The following ATP2A3 variants were observed in gnomAD, a reference collection of about 807,000 sequenced individuals.
ATP2A3 encodes ATPase sarcoplasmic/endoplasmic reticulum Ca2+ transporting 3.
A neutral mutation model predicts 106.8 loss-of-function variants in ATP2A3; 61 were observed. The observed-to-expected ratio is 0.57, with a 90% confidence interval of 0.46 to 0.71. The LOEUF (loss-of-function observed/expected upper bound fraction) is 0.71. Among genes scored for constraint, ATP2A3 ranks in the 30% least tolerant of loss-of-function variants. The pLI is 0.00. For missense variants in ATP2A3, 1,201 were observed against 1,423.5 expected, an observed-to-expected ratio of 0.84 and a Z score of 2.52; for synonymous variants, 611 against 609.3, an observed-to-expected ratio of 1.00 and a Z score of -0.04.
chr17:3,957,255 T>C (rs2054836134), intron 1 of ATP2A3, among the ~76,000 whole-genome samples: 1 of 152,068 alleles, frequency 6.6e-6, no homozygotes, highest in South Asian at 2.1e-4. Context: ...AACAGAGAGG[T>C]TGAGTGACTA....
intron 1 of ATP2A3, among the ~76,000 whole-genome samples, chr17:3,958,867 TATACACACACACAC>T (rs2054973026): frequency 2.0e-5 from 2 of 102,524 alleles, no homozygotes; most frequent in African/African-American, 9.9e-5. Context: ...TATATATATA[TATACACACACACAC>T]ACACACATAT....
chr17:3,953,056 A>G lies in ATP2A3; in HGVS notation c.219+291T>C, dbSNP rs899867867. ...AGTAGTGCTGAGGCAGAGAAACCCT[A>G]GGGTACAGCAGGGCGGGGCGGGGGG... On this transcript the variant is annotated intron_variant, in intron 3 of 20. Coordinates refer to ENST00000397041, the MANE Select transcript of ATP2A3 (RefSeq NM_005173.4). The surrounding 1 kb of genome is among the most constrained non-coding windows in gnomAD (Gnocchi z 5.1). Among the ~76,000 whole-genome samples the G allele has an allele frequency of 6.6e-6, 1 of 152,120 alleles. No individual in the cohort carries two copies. Among genetic ancestry groups the G allele is most frequent in the Non-Finnish European group, 1.5e-5 (1 of 68,012 alleles).
intron 17 of ATP2A3, among the ~76,000 whole-genome samples, chr17:3,934,448 G>T (rs1028195199): frequency 2.6e-5 from 4 of 151,742 alleles, no homozygotes; most frequent in South Asian, 2.1e-4. Flanking sequence ...TCAAACTCCT[G>T]GGCTCAAGTA....
intron 17 of ATP2A3, among the ~76,000 whole-genome samples, chr17:3,933,959 T>C (rs1597585329): frequency 6.6e-6 from 1 of 151,194 alleles, no homozygotes; most frequent in African/African-American, 2.5e-5. Flanking sequence ...CGTCTTGCTC[T>C]GTCTCCCAGG....
Position 3,925,078 on chromosome 17 carries a change from A to C in ATP2A3, c.*344T>G. ...GGAGCAAGCTCCAGCTGCACTCGTG[A>C]TTTGGGGGTGGGGGGGCCCCGGATC... On this transcript the variant is annotated 3_prime_UTR_variant, in exon 21 of 21. Transcript: ENST00000397041. The surrounding 1 kb of genome is among the most constrained non-coding windows in gnomAD (Gnocchi z 4.2). 1 of 510,666 alleles carries C rather than the reference A, an allele frequency of 2.0e-6. No individual in the cohort carries two copies. The highest frequency in any genetic ancestry group is 1.9e-5 in the African/African-American group (1 of 51,802). The allele number at this position is 510,666 out of a possible 1,614,324, so 31.6% of individuals were successfully genotyped here.
intron 3 of ATP2A3, among the ~76,000 whole-genome samples, chr17:3,952,123 C>T (rs1278323590): frequency 2.0e-5 from 3 of 152,286 alleles, no homozygotes; most frequent in Admixed American, 6.5e-5. Context: ...CTTGCTCTGT[C>T]GCCCAGGCTG....
intron 7 of ATP2A3, among the ~76,000 whole-genome samples, chr17:3,949,449 G>A (rs1423390291): frequency 6.6e-6 from 1 of 152,210 alleles, no homozygotes; most frequent in Non-Finnish European, 1.5e-5. Flanking sequence ...GTCGGAGAAT[G>A]GAGTATCCCC....
Position 3,926,027 on chromosome 17 carries a change from T to C in ATP2A3, c.2981-586A>G, listed in dbSNP as rs948148761. Among the ~76,000 whole-genome samples, 47 of 150,224 alleles carry C rather than the reference T, an allele frequency of 3.1e-4. No homozygotes were observed. The highest frequency in any genetic ancestry group is 1.0e-4 in the Non-Finnish European group (7 of 67,614). On this transcript the variant is annotated intron_variant, in intron 20 of 20. Coordinates refer to ENST00000397041, the MANE Select transcript of ATP2A3 (RefSeq NM_005173.4). This position sits in a 1 kb window ranked among gnomAD's most constrained non-coding sequence, Gnocchi z 4.6. ...TGTAACCTCCCAGATCTGTCCCCAA[T>C]ACAACCACCACAGCCCAGCCCCCAC... is the stretch of plus-strand genomic sequence containing the variant.
intron 3 of ATP2A3, among the ~76,000 whole-genome samples, chr17:3,952,825 C>T (rs1341654888): frequency 6.6e-6 from 1 of 152,164 alleles, no homozygotes; most frequent in East Asian, 1.9e-4. Context: ...CTCCTGGGCT[C>T]AAGCGATTTT....
At chr17:3,943,367 G>T in intron 11 of ATP2A3, 24 bp downstream of exon 11, 6 of 1,612,792 alleles carry the variant, frequency 3.7e-6, no homozygotes, top group Non-Finnish European at 5.1e-6. Flanking sequence ...GCAGCCGGAG[G>T]CCTGAGCCCC....
At position 3,929,305 on chromosome 17, in the gene ATP2A3, G is replaced by A. The variant is rs2052905836; in HGVS notation, c.2862+23C>T. On this transcript the variant is annotated intron_variant, in intron 19 of 20. Coordinates refer to ENST00000397041, the MANE Select transcript of ATP2A3 (RefSeq NM_005173.4). This position sits in a 1 kb window ranked among gnomAD's most constrained non-coding sequence, Gnocchi z 4.3. ...CCTGTGATGTCCAGGGACCAGGGCA[G>A]TGGGGCAGGCGGGGTGACTCACAGG... The A allele has an allele frequency of 1.3e-6, 2 of 1,537,936 alleles. No homozygotes were observed. Among genetic ancestry groups the A allele is most frequent in the South Asian group, 1.2e-5 (1 of 83,744 alleles).
At chr17:3,957,086 T>C (rs2054825473) in intron 1 of ATP2A3, among the ~76,000 whole-genome samples, 1 of 152,248 alleles carries the variant, frequency 6.6e-6, no homozygotes, top group African/African-American at 2.4e-5. Context: ...GGGAAGACGC[T>C]GGGGACCGAG....
chr17:3,944,849 C>T, intron 9 of ATP2A3, 43 bp from the exon 10 acceptor site: 1 of 1,559,490 alleles, frequency 6.4e-7, no homozygotes, highest in South Asian at 1.2e-5. Flanking sequence ...CGGCTCCGCC[C>T]CCGAGAGGGG....
Position 3,929,499 on chromosome 17 carries a change from G to A in ATP2A3, c.2745-54C>T. 2 of 1,446,908 alleles carry A rather than the reference G, an allele frequency of 1.4e-6. No individual in the cohort carries two copies. Among genetic ancestry groups the A allele is most frequent in the Admixed American group, 3.8e-5 (2 of 52,206 alleles). The allele number at this position is 1,446,908 out of a possible 1,614,324, so 89.6% of individuals were successfully genotyped here. A position where few individuals can be genotyped will look rare whatever the true frequency, so the allele number is the denominator to read the frequency against. ...GCCGGGGTGCAGGGAGGCCCTGCCA[G>A]GCACCCACCCCCATGGGAGGAGCCT... On this transcript the variant is annotated intron_variant, in intron 18 of 20. Coordinates refer to ENST00000397041, the MANE Select transcript of ATP2A3 (RefSeq NM_005173.4). The surrounding 1 kb of genome is among the most constrained non-coding windows in gnomAD (Gnocchi z 4.3).
chr17:3,947,052 A>G lies in ATP2A3; in HGVS notation c.1095+339T>C, dbSNP rs1021990194. ...CGGATCCAGGCCCAGCTTGGCCCCT[A>G]TGCCAAGGCTGAACTTGAGCCTCTC... On this transcript the variant is annotated intron_variant, in intron 8 of 20. Transcript: ENST00000397041. This position sits in a 1 kb window ranked among gnomAD's most constrained non-coding sequence, Gnocchi z 7.7. Among the ~76,000 whole-genome samples the G allele has an allele frequency of 4.6e-5, 7 of 152,212 alleles. No homozygotes were observed. Among genetic ancestry groups the G allele is most frequent in the Non-Finnish European group, 8.8e-5 (6 of 68,026 alleles).
Position 3,930,475 on chromosome 17 carries a change from G to A in ATP2A3, c.2611-41C>T. ...CAGGTCAGAGAGAGCGGCAGGTCAG[G>A]CGAGGGGCTGGTGGGTGGGAGGAGG... On this transcript the variant is annotated intron_variant, in intron 17 of 20. Coordinates refer to ENST00000397041, the MANE Select transcript of ATP2A3 (RefSeq NM_005173.4). This position sits in a 1 kb window ranked among gnomAD's most constrained non-coding sequence, Gnocchi z 5.4. The A allele has an allele frequency of 6.2e-7, 1 of 1,610,958 alleles. No homozygotes were observed.
Position 3,929,686 on chromosome 17 carries a change from G to T in ATP2A3, c.2745-241C>A, listed in dbSNP as rs1042073332. 1.3e-5 allele frequency among the ~76,000 whole-genome samples: 2 copies of T among 152,060 alleles called. No homozygotes were observed. Among genetic ancestry groups the T allele is most frequent in the African/African-American group, 4.8e-5 (2 of 41,390 alleles). On this transcript the variant is annotated intron_variant, in intron 18 of 20. Coordinates refer to ENST00000397041, the MANE Select transcript of ATP2A3 (RefSeq NM_005173.4). The surrounding 1 kb of genome is among the most constrained non-coding windows in gnomAD (Gnocchi z 4.3). ...CCTGGGCCCCAATTCCGGTCCCCAT[G>T]AACTCTCAGAATCCTCTCTGGGCCC...
rs754246063 is a variant in ATP2A3, at chr17:3,941,142, C to A, written c.1929G>T (p.Gly643=). 1 of 1,614,134 alleles carries A rather than the reference C, an allele frequency of 6.2e-7. No individual in the cohort carries two copies. The highest frequency in any genetic ancestry group is 1.1e-5 in the South Asian group (1 of 91,092). The change falls in exon 14 of 21, where the codon GGG becomes GGT. Residue 643 remains glycine, a synonymous_variant. Transcript: ENST00000397041. ...CCTTGCCCGCCACGTCTTCCGTGTC[C>A]CCAAAGATGCCAAGCCTGCGGCAGA... ...VAICRRLGIF[G]DTEDVAGKAY... is the part of the protein sequence containing the mutation.
rs1446603730 is a variant in ATP2A3, at chr17:3,941,027, C to T, written c.2044G>A (p.Ala682Thr). Residue 682 changes from alanine (A) to threonine (T), a missense_variant, in exon 14 of 21, where the codon GCA becomes ACA. Around this residue, in one of 2 missense-constraint regions of ATP2A3, gnomAD observed 935 missense variants for 1,176.7 expected, o/e 0.79. Transcript: ENST00000397041. ...TTCTCCACGATGCGGGACTTGTGTG[C>T]GGGCTCCACGCGGGCGAAGCAGCGG... ...TARCFARVEP[A>T]HKSRIVENLQ... The T allele has an allele frequency of 1.4e-5, 22 of 1,613,926 alleles. No individual in the cohort carries two copies. Among genetic ancestry groups the T allele is most frequent in the Middle Eastern group, 1.6e-4 (1 of 6,062 alleles).
Sources: allele counts gnomAD v4.1 joint callset (sites outside exome capture counted in the v4.1 genomes callset), GRCh38; gene constraint gnomAD v4.1.1; regional missense constraint gnomAD v4.1.1; non-coding constraint Gnocchi (gnomAD v3.1); transcripts MANE v1.5; gene names NCBI Gene and HGNC (gene_info 2026-07-23, HGNC 2026-07-21).